Variants in TMEM232 observed in about 807,000 individuals in gnomAD.
TMEM232 encodes transmembrane protein 232.
TMEM232 carries 80 observed loss-of-function variants against 78.8 expected under a neutral mutation model. The ratio of observed to expected loss-of-function variants is 1.01; its 90% CI spans 0.85 to 1.22. TMEM232 has a LOEUF of 1.22. Ranked by LOEUF, TMEM232 falls within the 50% of genes most tolerant of loss-of-function variation. The probability of loss-of-function intolerance (pLI) is 0.00; values close to 1 mark genes in which losing one functional copy is unlikely to be tolerated. For missense variants in TMEM232, 881 were observed against 742.2 expected, an observed-to-expected ratio of 1.19 and a Z score of -2.17; for synonymous variants, 297 against 254.3, an observed-to-expected ratio of 1.17 and a Z score of -1.60.
intron 12 of TMEM232, among the ~76,000 whole-genome samples, chr5:110,492,648 G>A (rs184638286): frequency 6.6e-6 from 1 of 151,906 alleles, no homozygotes; most frequent in African/African-American, 2.4e-5. Flanking sequence ...ATTTAATATA[G>A]TACCCAAATA....
intron 12 of TMEM232, chr5:110,513,776 T>C (rs899180194): frequency 6.6e-5 from 11 of 166,108 alleles, no homozygotes; most frequent in Admixed American, 3.3e-4. Flanking sequence ...TGAAAAATAG[T>C]ATGGAAGTTC....
intron 12 of TMEM232, among the ~76,000 whole-genome samples, chr5:110,528,378 A>G (rs1406151841): frequency 6.6e-6 from 1 of 151,950 alleles, no homozygotes; most frequent in Non-Finnish European, 1.5e-5. Flanking sequence ...GATTTATATT[A>G]TGTAATAATA....
chr5:110,686,884 C>T (rs370901105), intron 1 of TMEM232, among the ~76,000 whole-genome samples: 4 of 152,220 alleles, frequency 2.6e-5, no homozygotes, highest in East Asian at 3.9e-4. Flanking sequence ...CTTCCTTTCA[C>T]GGTCATTGTT....
At chr5:110,398,267 A>G (rs1283306863) in intron 2 of TMEM232, among the ~76,000 whole-genome samples, 4 of 152,218 alleles carry the variant, frequency 2.6e-5, no homozygotes, top group African/African-American at 9.6e-5. Flanking sequence ...ATTTGAAGTC[A>G]GAATTGTCAC....
intron 13 of TMEM232, among the ~76,000 whole-genome samples, chr5:110,421,403 C>T (rs1486278932): frequency 1.3e-5 from 2 of 151,514 alleles, no homozygotes; most frequent in African/African-American, 2.4e-5. Flanking sequence ...ATCAATCAAA[C>T]ATCATCATGA....
chr5:110,389,938 C>T (rs540189381), intron 4 of TMEM232, among the ~76,000 whole-genome samples: 11 of 152,258 alleles, frequency 7.2e-5, no homozygotes, highest in Non-Finnish European at 5.9e-5. Context: ...TCCTCTGTGA[C>T]GGCACTACTC....
intron 7 of TMEM232, among the ~76,000 whole-genome samples, chr5:110,620,926 G>C (rs147474189): frequency 0.092 from 12,791 of 138,610 alleles, 589 homozygotes; most frequent in Admixed American, 0.13. Context: ...GTGATGGCGT[G>C]ATCTTGGCTC....
chr5:110,719,890 T>C (rs560718695), intron 1 of TMEM232, among the ~76,000 whole-genome samples: 1 of 152,078 alleles, frequency 6.6e-6, no homozygotes, highest in Non-Finnish European at 1.5e-5. Context: ...TCTATTGTTT[T>C]AAAAAATGCT....
chr5:110,616,820 A>T (rs1782978303), intron 8 of TMEM232, among the ~76,000 whole-genome samples: 1 of 152,170 alleles, frequency 6.6e-6, no homozygotes, highest in Non-Finnish European at 1.5e-5. Flanking sequence ...GTTGATGAGG[A>T]TGTTCAGAAA....
At chr5:110,718,202 A>T (rs969725428) in intron 1 of TMEM232, among the ~76,000 whole-genome samples, 1 of 152,086 alleles carries the variant, frequency 6.6e-6, no homozygotes, top group Non-Finnish European at 1.5e-5. Flanking sequence ...TGCTAGATAG[A>T]CTTCATTGGG....
chr5:110,641,252 AT>A (rs1786660976), intron 3 of TMEM232, among the ~76,000 whole-genome samples: 1 of 152,020 alleles, frequency 6.6e-6, no homozygotes, highest in South Asian at 2.1e-4. Flanking sequence ...AATAATTCTC[AT>A]TTTTTACTTT....
chr5:110,391,899 G>A (rs1164120708), intron 3 of TMEM232, among the ~76,000 whole-genome samples: 1 of 152,162 alleles, frequency 6.6e-6, no homozygotes, highest in African/African-American at 2.4e-5. Context: ...GAGGTGCTTA[G>A]TGAATAGATA....
chr5:110,496,896 C>G (rs775579378), intron 12 of TMEM232, among the ~76,000 whole-genome samples: 6 of 151,924 alleles, frequency 3.9e-5, no homozygotes, highest in Non-Finnish European at 8.8e-5. Context: ...CAAAATAAAT[C>G]CATATTTTGG....
intron 1 of TMEM232, among the ~76,000 whole-genome samples, chr5:110,722,035 G>T (rs565275864): frequency 1.4e-4 from 22 of 152,028 alleles, no homozygotes; most frequent in African/African-American, 5.1e-4. Flanking sequence ...GTATTTTATT[G>T]ATATCACATA....
intron 1 of TMEM232, among the ~76,000 whole-genome samples, chr5:110,707,787 TA>T (rs1466461996): frequency 1.3e-5 from 2 of 152,000 alleles, no homozygotes; most frequent in African/African-American, 4.8e-5. Flanking sequence ...GAGTGAAGAG[TA>T]AAGGGGACTT....
chr5:110,486,486 T>G (rs1028848738), intron 12 of TMEM232, among the ~76,000 whole-genome samples: 1 of 152,128 alleles, frequency 6.6e-6, no homozygotes, highest in African/African-American at 2.4e-5. Flanking sequence ...CTTGAGTTGA[T>G]TTTTGTATAA....
At chr5:110,726,833 T>C (rs1042699201), upstream of TMEM232, 1 of 152,258 alleles carries the variant, frequency 6.6e-6, no homozygotes, top group Non-Finnish European at 1.5e-5. Context: ...TGAAAGACCT[T>C]TATTCGTTTT....
At chr5:110,711,031 A>T (rs1796420832) in intron 1 of TMEM232, among the ~76,000 whole-genome samples, 1 of 152,236 alleles carries the variant, frequency 6.6e-6, no homozygotes, top group East Asian at 1.9e-4. Flanking sequence ...GACTTCACCA[A>T]AAAACGATTA....
At position 110,508,322 on chromosome 5, in the gene TMEM232, TAGAA is replaced by T. The variant is rs570994008; in HGVS notation, c.1703+20262_1703+20265del. On this transcript the variant is annotated intron_variant, in intron 12 of 13. Coordinates refer to ENST00000455884, the MANE Select transcript of TMEM232 (RefSeq NM_001039763.4). ...AATGGATATGACAATTTATTAAAGA[TAGAA>T]AGCATGATTAGTGTTGGATGTAGAT... is the stretch of plus-strand genomic sequence containing the variant. Among the ~76,000 whole-genome samples, 22 of 151,960 alleles carry T rather than the reference TAGAA, an allele frequency of 1.4e-4. No homozygotes were observed. The South Asian group carries it at 4.6e-3, about 32-fold the overall frequency.
Sources: allele counts gnomAD v4.1 joint callset (sites outside exome capture counted in the v4.1 genomes callset), GRCh38; gene constraint gnomAD v4.1.1; transcripts MANE v1.5; gene names NCBI Gene and HGNC (gene_info 2026-07-23, HGNC 2026-07-21).